The following CADM1 variants were observed in gnomAD, a reference collection of about 807,000 sequenced individuals.
CADM1 encodes the protein cell adhesion molecule 1.
A neutral mutation model predicts 53.1 loss-of-function variants in CADM1; 15 were observed. The observed-to-expected ratio is 0.28, with a 90% CI of 0.19 to 0.44. The LOEUF is 0.44. Ranked by LOEUF, CADM1 falls within the 20% of genes least tolerant of loss-of-function variation. The pLI is 1.00. For synonymous variants in CADM1, 281 were observed against 243.0 expected (o/e 1.16, Z -1.45); for missense variants, 434 against 611.3 (o/e 0.71, Z 3.06).
chr11:115,286,811 G>A, intron 1 of CADM1, among the ~76,000 whole-genome samples: 1 of 152,200 alleles, frequency 6.6e-6, no homozygotes, highest in Non-Finnish European at 1.5e-5. Context: ...GGAAGAAGCA[G>A]GGGTGTTGGG....
intron 1 of CADM1, among the ~76,000 whole-genome samples, chr11:115,322,867 T>C (rs1388696240): frequency 6.6e-6 from 1 of 152,190 alleles, no homozygotes; most frequent in Non-Finnish European, 1.5e-5. Context: ...CTTAATAATA[T>C]AATGCATTAC....
intron 1 of CADM1, among the ~76,000 whole-genome samples, chr11:115,290,294 GT>G (rs1327848597): frequency 6.6e-6 from 1 of 152,072 alleles, no homozygotes; most frequent in African/African-American, 2.4e-5. Flanking sequence ...TACTGGGTTA[GT>G]TTTTTTTAAA....
chr11:115,215,449 A>G (rs1176178086), intron 6 of CADM1, among the ~76,000 whole-genome samples: 1 of 151,930 alleles, frequency 6.6e-6, no homozygotes, highest in Admixed American at 6.6e-5. Flanking sequence ...TGCCTTCTTT[A>G]CTGGCTCTCC....
chr11:115,435,198 A>T (rs1948156251), intron 1 of CADM1, among the ~76,000 whole-genome samples: 1 of 151,976 alleles, frequency 6.6e-6, no homozygotes, highest in Admixed American at 6.6e-5. Flanking sequence ...TTTCTCACAC[A>T]GTTACTACCA....
At chr11:115,390,251 C>T (rs1040247754) in intron 1 of CADM1, among the ~76,000 whole-genome samples, 1 of 152,070 alleles carries the variant, frequency 6.6e-6, no homozygotes, top group East Asian at 1.9e-4. Context: ...CATTTCTTAC[C>T]ACTCCTGCTC....
chr11:115,176,376 T>TA lies in CADM1; in HGVS notation c.*97dup, dbSNP rs1359965817. The stretch of plus-strand genomic sequence containing the variant: ...AGTCTCACACCTTTCCACCCATTCA[T>TA]AAAAAAACACACGAATTTCTCGCAA... On this transcript the variant is annotated 3_prime_UTR_variant, in exon 12 of 12. Coordinates refer to ENST00000331581, the MANE Select transcript of CADM1 (RefSeq NM_001301043.2). The TA allele has an allele frequency of 2.5e-6, 4 of 1,589,814 alleles. No homozygotes were observed. Among genetic ancestry groups the TA allele is most frequent in the South Asian group, 1.1e-5 (1 of 90,048 alleles).
intron 9 of CADM1, among the ~76,000 whole-genome samples, chr11:115,196,524 C>T (rs538659493): frequency 1.4e-5 from 2 of 145,890 alleles, no homozygotes; most frequent in African/African-American, 5.1e-5. Flanking sequence ...TTTTAGCTTC[C>T]CTGGACCACA....
intron 1 of CADM1, among the ~76,000 whole-genome samples, chr11:115,253,991 A>G (rs1284957414): frequency 6.6e-6 from 1 of 152,208 alleles, no homozygotes; most frequent in African/African-American, 2.4e-5. Flanking sequence ...TCTCACACAT[A>G]ATAATGGGTA....
intron 1 of CADM1, among the ~76,000 whole-genome samples, chr11:115,427,879 C>T (rs1008627035): frequency 1.3e-5 from 2 of 151,602 alleles, no homozygotes; most frequent in Non-Finnish European, 2.9e-5. Context: ...TGGTGGCACA[C>T]GCCTGCAGTC....
chr11:115,291,040 T>G (rs1219226942), intron 1 of CADM1, among the ~76,000 whole-genome samples: 2 of 152,166 alleles, frequency 1.3e-5, no homozygotes, highest in African/African-American at 4.8e-5. Flanking sequence ...CAAGATAGCG[T>G]AGTGCCCAAC....
intron 7 of CADM1, among the ~76,000 whole-genome samples, chr11:115,213,164 CA>C (rs1941033984): frequency 6.6e-6 from 1 of 152,184 alleles, no homozygotes; most frequent in Non-Finnish European, 1.5e-5. Flanking sequence ...CGGGGACTCC[CA>C]TGAGGCGCAG....
At chr11:115,421,528 C>A (rs914966443) in intron 1 of CADM1, among the ~76,000 whole-genome samples, 3 of 152,208 alleles carry the variant, frequency 2.0e-5, no homozygotes, top group Non-Finnish European at 4.4e-5. Context: ...GACGCGCTCA[C>A]CAGCGGTGCC....
In CADM1 at chr11:115,176,464, A is replaced by T; in HGVS notation, c.*10T>A. ...CCAGTTGGACACCTCATTGAAACAA[A>T]AAGGCTGATCTAGATGAAGTACTCT... On this transcript the variant is annotated 3_prime_UTR_variant, in exon 12 of 12. Coordinates refer to ENST00000331581, the MANE Select transcript of CADM1 (RefSeq NM_001301043.2). The T allele has an allele frequency of 6.2e-7, 1 of 1,613,740 alleles. No individual in the cohort carries two copies. Among genetic ancestry groups the T allele is most frequent in the Non-Finnish European group, 8.5e-7 (1 of 1,179,720 alleles).
intron 1 of CADM1, among the ~76,000 whole-genome samples, chr11:115,474,818 G>A (rs952233483): frequency 1.3e-5 from 2 of 152,042 alleles, no homozygotes; most frequent in Admixed American, 1.3e-4. Context: ...TGCACGTTGT[G>A]CACATGTACC....
chr11:115,260,744 C>A (rs1158320590), intron 1 of CADM1, among the ~76,000 whole-genome samples: 1 of 152,238 alleles, frequency 6.6e-6, no homozygotes, highest in African/African-American at 2.4e-5. Flanking sequence ...ACGATCTTGG[C>A]TCACTGCAAG....
intron 1 of CADM1, among the ~76,000 whole-genome samples, chr11:115,502,537 C>G (rs1000418483): frequency 2.0e-5 from 3 of 151,796 alleles, no homozygotes; most frequent in Admixed American, 1.3e-4. Context: ...GTAACCACAC[C>G]GGCATCGGCT....
chr11:115,246,339 A>G (rs1942406853), intron 1 of CADM1, among the ~76,000 whole-genome samples: 1 of 152,240 alleles, frequency 6.6e-6, no homozygotes, highest in Non-Finnish European at 1.5e-5. Context: ...TGTCTACTTA[A>G]TGGTGAAAAT....
In CADM1 at chr11:115,175,629, A is replaced by C. The variant is rs1326984042; in HGVS notation, c.*845T>G. The C allele has an allele frequency of 1.0e-6, 1 of 985,482 alleles. No individual in the cohort carries two copies. Among genetic ancestry groups the C allele is most frequent in the Non-Finnish European group, 1.2e-6 (1 of 829,974 alleles). 61.0% of individuals were successfully genotyped at this position (985,482 alleles called of 1,614,324 possible). ...CTGTTTAGGGCATGGAAAAAGGAGG[A>C]GTCCTTTCTGCCCCAAACCTTTCTG... is the stretch of plus-strand genomic sequence containing the variant. On this transcript the variant is annotated 3_prime_UTR_variant, in exon 12 of 12. Coordinates refer to ENST00000331581, the MANE Select transcript of CADM1 (RefSeq NM_001301043.2).
At chr11:115,294,844 G>A (rs567893405) in intron 1 of CADM1, among the ~76,000 whole-genome samples, 1 of 152,212 alleles carries the variant, frequency 6.6e-6, no homozygotes, top group East Asian at 1.9e-4. Flanking sequence ...AGACCAGCCT[G>A]GCCAACATGG....
Sources: allele counts gnomAD v4.1 joint callset (sites outside exome capture counted in the v4.1 genomes callset), GRCh38; gene constraint gnomAD v4.1.1; transcripts MANE v1.5; gene names NCBI Gene and HGNC (gene_info 2026-07-23, HGNC 2026-07-21).